Variants in NAALADL2 observed in about 807,000 individuals in gnomAD.
The protein encoded by NAALADL2 is N-acetylated alpha-linked acidic dipeptidase like 2.
In NAALADL2, 76 loss-of-function variants were observed where a neutral mutation model predicts 87.2. The observed-to-expected ratio is 0.87, with a 90% CI of 0.72 to 1.05. The LOEUF is 1.05. NAALADL2 is among the 50% of genes least tolerant of loss of function. The pLI is 0.00. For synonymous variants in NAALADL2, 354 were observed against 331.0 expected (o/e 1.07, Z -0.75); for missense variants, 1,089 against 945.8 (o/e 1.15, Z -1.99).
At position 175,382,594 on chromosome 3, in the gene NAALADL2, G is replaced by T. The variant is rs1283367347; in HGVS notation, c.1090+58269G>T. Among the ~76,000 whole-genome samples, 2 of 45,962 alleles carry T rather than the reference G, an allele frequency of 4.4e-5. 1 individual carries two copies. Among genetic ancestry groups the T allele is most frequent in the African/African-American group, 1.3e-4 (2 of 15,586 alleles). 30.2% of individuals were successfully genotyped at this position (45,962 alleles called of 152,430 possible). ...TTGCAATGAGACTGATAGATTGTCG[G>T]ATCATATGGTAACAATTTTACATTT... On this transcript the variant is annotated intron_variant, in intron 5 of 13. Transcript: ENST00000454872.
intron 4 of NAALADL2, among the ~76,000 whole-genome samples, chr3:175,321,933 A>G (rs201866273): frequency 6.7e-6 from 1 of 148,528 alleles, no homozygotes; most frequent in African/African-American, 2.5e-5. Flanking sequence ...TACAGATTCA[A>G]TGCCATCCCC....
At chr3:175,453,627 C>A (rs4141941) in intron 6 of NAALADL2, among the ~76,000 whole-genome samples, 114,196 of 152,016 alleles carry the variant, frequency 0.75, 43,130 homozygotes, top group Middle Eastern at 0.85. Flanking sequence ...GCATAAGCAA[C>A]TGAATTTTCA....
chr3:174,570,102 A>G (rs1174366867), intron 2 of NAALADL2, among the ~76,000 whole-genome samples: 8 of 152,070 alleles, frequency 5.3e-5, no homozygotes, highest in African/African-American at 1.9e-4. Flanking sequence ...TCACATGTGT[A>G]TATTTGTTTT....
chr3:175,114,630 T>G (rs6809009), intron 2 of NAALADL2, among the ~76,000 whole-genome samples: 91,654 of 151,416 alleles, frequency 0.61, 28,256 homozygotes, highest in African/African-American at 0.73. Context: ...ATTAAAAATA[T>G]TGAGGCAGAC....
At position 175,361,773 on chromosome 3, in the gene NAALADL2, T is replaced by C. The variant is rs1352917227; in HGVS notation, c.1090+37448T>C. ...TTGTAGATTCCGGATATTAGCCCTT[T>C]GTCAGATGGGTAGATTGTAAAAATG... is the stretch of plus-strand genomic sequence containing the variant. On this transcript the variant is annotated intron_variant, in intron 5 of 13. Coordinates refer to ENST00000454872, the MANE Select transcript of NAALADL2 (RefSeq NM_207015.3). 1.3e-5 allele frequency among the ~76,000 whole-genome samples: 2 copies of C among 148,494 alleles called. 1 individual carries two copies. Among genetic ancestry groups the C allele is most frequent in the Non-Finnish European group, 3.0e-5 (2 of 66,754 alleles).
intron 10 of NAALADL2, among the ~76,000 whole-genome samples, chr3:175,603,176 G>A (rs1307195164): frequency 2.6e-5 from 4 of 151,932 alleles, no homozygotes; most frequent in Admixed American, 6.6e-5. Flanking sequence ...CCTTTATAGC[G>A]TTTATTTATC....
In NAALADL2 at chr3:175,466,959, T is replaced by C; in HGVS notation, c.1328-20T>C. On this transcript the variant is annotated intron_variant, in intron 7 of 13. Transcript: ENST00000454872. ...AGGTTTACATTTTTTTAAATGGCTC[T>C]TGTCCCTTTCTATTTTCAGACCGGT... is the stretch of plus-strand genomic sequence containing the variant. 1 of 1,577,410 alleles carries C rather than the reference T, an allele frequency of 6.3e-7. No homozygotes were observed. The highest frequency in any genetic ancestry group is 8.7e-7 in the Non-Finnish European group (1 of 1,146,876).
chr3:175,139,570 C>G lies in NAALADL2; in HGVS notation c.545+42279C>G, dbSNP rs546387426. The stretch of plus-strand genomic sequence containing the variant: ...TACGTAGATGATTCATATATCTTCC[C>G]TTAGTATCACCTTCTTATATTTTAT... On this transcript the variant is annotated intron_variant, in intron 2 of 13. Transcript: ENST00000454872. Among the ~76,000 whole-genome samples, 34 of 152,038 alleles carry G rather than the reference C, an allele frequency of 2.2e-4. No individual in the cohort carries two copies. The South Asian group carries it at 6.4e-3, about 29-fold the overall frequency.
rs140687552 is a variant in NAALADL2, at chr3:174,748,257, G to A, written c.-9+10511G>A. Among the ~76,000 whole-genome samples, 373 of 152,110 alleles carry A rather than the reference G, an allele frequency of 2.5e-3. 1 individual carries two copies. The highest frequency in any genetic ancestry group is 8.7e-3 in the African/African-American group (361 of 41,502). On this transcript the variant is annotated intron_variant, in intron 3 of 3. Coordinates refer to the NAALADL2 transcript ENST00000434257. ...TTGGTAGGTGCAGCAAACCACTATG[G>A]CACATGTTTACCTATGTAAGGAACC...
intron 1 of NAALADL2, among the ~76,000 whole-genome samples, chr3:174,912,309 T>A (rs969340512): frequency 1.1e-4 from 16 of 147,350 alleles, no homozygotes; most frequent in Admixed American, 2.7e-4. Context: ...ATGTTTTAAA[T>A]TTTTTTTTTT....
intron 2 of NAALADL2, among the ~76,000 whole-genome samples, chr3:175,131,945 C>T (rs867112594): frequency 2.6e-5 from 3 of 115,590 alleles, no homozygotes; most frequent in Middle Eastern, 5.6e-3. Flanking sequence ...TAGGGGTGGC[C>T]GGGCAGAGGC....
At chr3:174,590,874 GTGAAA>G (rs1453072167) in intron 2 of NAALADL2, among the ~76,000 whole-genome samples, 2 of 151,944 alleles carry the variant, frequency 1.3e-5, no homozygotes, top group East Asian at 1.9e-4. Flanking sequence ...AGCTATTTCG[GTGAAA>G]TGAAAGGAAA....
At chr3:174,756,541 TAA>T (rs1712103822) in intron 3 of NAALADL2, among the ~76,000 whole-genome samples, 1 of 152,248 alleles carries the variant, frequency 6.6e-6, no homozygotes, top group Admixed American at 6.5e-5. Context: ...GTTATTTAGT[TAA>T]ATTGAGAAAT....
intron 11 of NAALADL2, among the ~76,000 whole-genome samples, chr3:175,650,204 A>G (rs1730575044): frequency 6.6e-6 from 1 of 152,216 alleles, no homozygotes; most frequent in Non-Finnish European, 1.5e-5. Flanking sequence ...GCTAAGTAAA[A>G]GAAACCAGAT....
intron 2 of NAALADL2, among the ~76,000 whole-genome samples, chr3:174,676,475 ATTAC>A: frequency 6.6e-6 from 1 of 152,116 alleles, no homozygotes; most frequent in South Asian, 2.1e-4. Flanking sequence ...TTTGTAAACC[ATTAC>A]TTACATATGC....
At position 175,488,564 on chromosome 3, in the gene NAALADL2, T is replaced by G. The variant is rs1727629522; in HGVS notation, c.1653+16806T>G. Among the ~76,000 whole-genome samples, 3 of 152,244 alleles carry G rather than the reference T, an allele frequency of 2.0e-5. No homozygotes were observed. The South Asian group carries it at 6.2e-4, about 32-fold the overall frequency. On this transcript the variant is annotated intron_variant, in intron 9 of 13. Coordinates refer to ENST00000454872, the MANE Select transcript of NAALADL2 (RefSeq NM_207015.3). ...TAAAGTTTCTCTCAAAACCAACAAG[T>G]TAATGAGTAATAAAGTGTTTTCCCC...
At chr3:175,504,545 TTCTCTCTG>T (rs1206892758) in intron 9 of NAALADL2, among the ~76,000 whole-genome samples, 27 of 142,308 alleles carry the variant, frequency 1.9e-4, no homozygotes, top group Admixed American at 1.3e-3. Flanking sequence ...TCTCTCTTCT[TTCTCTCTG>T]TCTCTCTCTG....
At chr3:174,887,962 G>C (rs559413709) in intron 1 of NAALADL2, among the ~76,000 whole-genome samples, 1 of 152,188 alleles carries the variant, frequency 6.6e-6, no homozygotes, top group South Asian at 2.1e-4. Flanking sequence ...GATGATCAAA[G>C]TTATAAAAAA....
intron 4 of NAALADL2, among the ~76,000 whole-genome samples, chr3:175,275,524 A>G (rs1270469146): frequency 6.6e-6 from 1 of 152,118 alleles, no homozygotes; most frequent in Non-Finnish European, 1.5e-5. Context: ...CATAGACATC[A>G]GAAATTTGTG....
Sources: allele counts gnomAD v4.1 joint callset (sites outside exome capture counted in the v4.1 genomes callset), GRCh38; gene constraint gnomAD v4.1.1; transcripts MANE v1.5; gene names NCBI Gene and HGNC (gene_info 2026-07-23, HGNC 2026-07-21).